Variants in CMIP observed in about 807,000 individuals in gnomAD.
CMIP encodes the protein C-Maf-inducing protein.
CMIP carries 13 observed loss-of-function variants against 97.3 expected under a neutral mutation model. The ratio of observed to expected loss-of-function variants is 0.13; its 90% CI spans 0.09 to 0.21. The LOEUF (loss-of-function observed/expected upper bound fraction) is 0.21. CMIP is among the 10% of genes least tolerant of loss of function. CMIP has a pLI of 1.00. For synonymous variants in CMIP, 538 were observed against 436.3 expected, an observed-to-expected ratio of 1.23 and a Z score of -2.91; for missense variants, 847 against 1,024.9, an observed-to-expected ratio of 0.83 and a Z score of 2.37.
intron 1 of CMIP, among the ~76,000 whole-genome samples, chr16:81,525,234 C>T (rs371832156): frequency 2.6e-5 from 4 of 152,170 alleles, no homozygotes; most frequent in Admixed American, 2.0e-4. Context: ...ACCACCATCT[C>T]CCAGGTTGAA....
Position 81,496,354 on chromosome 16 carries a change from G to C in CMIP, c.300+50813G>C, listed in dbSNP as rs1017292825. ...CCCTTCATGGGGGCGATCCTACTTG[G>C]GGGCGATGGATGGGAAACAAGGAAG... is the stretch of plus-strand genomic sequence containing the variant. On this transcript the variant is annotated intron_variant, in intron 1 of 20. Coordinates refer to ENST00000537098, the MANE Select transcript of CMIP (RefSeq NM_198390.3). Among the ~76,000 whole-genome samples the C allele has an allele frequency of 2.6e-5, 4 of 152,174 alleles. No individual in the cohort carries two copies. In the East Asian group the frequency reaches 7.7e-4, roughly 29 times the overall value.
intron 2 of CMIP, among the ~76,000 whole-genome samples, chr16:81,610,839 C>G (rs886993928): frequency 2.1e-4 from 32 of 152,116 alleles, no homozygotes; most frequent in African/African-American, 7.2e-4. Context: ...GGACCCTCTG[C>G]TTTGAGAGGC....
chr16:81,576,920 A>G (rs957011166), intron 1 of CMIP, among the ~76,000 whole-genome samples: 2 of 152,120 alleles, frequency 1.3e-5, no homozygotes, highest in African/African-American at 4.8e-5. Flanking sequence ...TGATCACATC[A>G]TCACCACCAC....
chr16:81,630,024 T>C (rs770377432), intron 3 of CMIP, among the ~76,000 whole-genome samples: 1 of 152,234 alleles, frequency 6.6e-6, no homozygotes, highest in Non-Finnish European at 1.5e-5. Context: ...AAAATAATAC[T>C]TTCTGCAGCG....
At chr16:81,469,507 T>G (rs1907399001) in intron 1 of CMIP, among the ~76,000 whole-genome samples, 1 of 152,202 alleles carries the variant, frequency 6.6e-6, no homozygotes, top group Non-Finnish European at 1.5e-5. Context: ...AGGGCTCTTA[T>G]TACTGCCGTT....
chr16:81,661,244 G>C (rs770562527), intron 6 of CMIP, among the ~76,000 whole-genome samples: 69 of 152,360 alleles, frequency 4.5e-4, no homozygotes, highest in African/African-American at 1.6e-3. Flanking sequence ...CGTCAGAGCT[G>C]GGTTATTATT....
rs943119501 is a variant in CMIP, at chr16:81,473,495, T to TC, written c.300+27954_300+27955insC. On this transcript the variant is annotated intron_variant, in intron 1 of 20. Transcript: ENST00000537098. Reference sequence around the variant, plus strand: ...TTCTTTTTAAAATAGGTCTTTTTTTTTTTTTTTCCATCCTATGAAATAAAA... The same window carrying TC: ...TTCTTTTTAAAATAGGTCTTTTTTTTCTTTTTTTCCATCCTATGAAATAAAA... Among the ~76,000 whole-genome samples, 85 of 151,970 alleles carry TC rather than the reference T, an allele frequency of 5.6e-4. 1 individual carries two copies. The Middle Eastern group carries it at 0.014, about 24-fold the overall frequency.
intron 1 of CMIP, among the ~76,000 whole-genome samples, chr16:81,480,984 G>A (rs1261282532): frequency 6.6e-6 from 1 of 152,214 alleles, no homozygotes; most frequent in East Asian, 1.9e-4. Context: ...ACATCGGTGA[G>A]AGCTGCTCTG....
intron 10 of CMIP, among the ~76,000 whole-genome samples, chr16:81,686,874 G>A (rs1905453061): frequency 1.3e-5 from 2 of 152,166 alleles, no homozygotes; most frequent in Non-Finnish European, 2.9e-5. Context: ...AGTCGTATGT[G>A]GGTAGGGGTC....
chr16:81,598,685 G>A (rs2091604742), intron 1 of CMIP, among the ~76,000 whole-genome samples: 1 of 152,166 alleles, frequency 6.6e-6, no homozygotes, highest in South Asian at 2.1e-4. Flanking sequence ...AGTAACGTTC[G>A]GCTGGGCATG....
Position 81,699,928 on chromosome 16 carries a change from C to A in CMIP, c.1755+127C>A, listed in dbSNP as rs1597269171. 5 of 634,116 alleles carry A rather than the reference C, an allele frequency of 7.9e-6. No homozygotes were observed. In the East Asian group the frequency reaches 1.1e-4, roughly 14 times the overall value. 39.3% of individuals were successfully genotyped at this position (634,116 alleles called of 1,614,324 possible). On this transcript the variant is annotated intron_variant, in intron 15 of 20. Transcript: ENST00000537098. The stretch of plus-strand genomic sequence containing the variant: ...GGGGCAGTGGGTGAGGCGTGCAGTC[C>A]CAGCCGTCCTGAGCTTAGTGGGAGC...
intron 1 of CMIP, among the ~76,000 whole-genome samples, chr16:81,534,813 T>C (rs1380778605): frequency 6.6e-6 from 1 of 152,224 alleles, no homozygotes; most frequent in South Asian, 2.1e-4. Flanking sequence ...CCTTTTCCCA[T>C]TGCTTTAAAA....
At chr16:81,615,753 G>C (rs1447914094) in intron 2 of CMIP, among the ~76,000 whole-genome samples, 7 of 151,930 alleles carry the variant, frequency 4.6e-5, no homozygotes, top group Admixed American at 4.6e-4. Flanking sequence ...TGTGTGTGGT[G>C]TATGTGTCTT....
chr16:81,599,062 G>T (rs1422508411), intron 1 of CMIP, among the ~76,000 whole-genome samples: 1 of 151,718 alleles, frequency 6.6e-6, no homozygotes, highest in African/African-American at 2.4e-5. Context: ...GAACTGGTCA[G>T]TCGGCGTCTG....
chr16:81,446,689 G>A (rs556942839), intron 1 of CMIP, among the ~76,000 whole-genome samples: 1 of 152,232 alleles, frequency 6.6e-6, no homozygotes, highest in Admixed American at 6.5e-5. Context: ...CAGGAAATAG[G>A]GTGTCGCTTA....
intron 1 of CMIP, among the ~76,000 whole-genome samples, chr16:81,457,179 C>CG (rs1453856852): frequency 6.6e-6 from 1 of 152,136 alleles, no homozygotes; most frequent in African/African-American, 2.4e-5. Context: ...CTCCGACCCC[C>CG]CCGCCAGTCA....
intron 3 of CMIP, among the ~76,000 whole-genome samples, chr16:81,625,401 T>A (rs2092047822): frequency 6.6e-6 from 1 of 152,240 alleles, no homozygotes; most frequent in African/African-American, 2.4e-5. Flanking sequence ...AGGCTTCATT[T>A]CTGACTCAGA....
chr16:81,481,880 CT>C (rs768919033), intron 1 of CMIP, among the ~76,000 whole-genome samples: 245 of 136,526 alleles, frequency 1.8e-3, no homozygotes, highest in Admixed American at 2.0e-3. Flanking sequence ...CCGCCTCCCT[CT>C]TTTTTTTTTT....
At chr16:81,672,438 T>C (rs939347416) in intron 9 of CMIP, among the ~76,000 whole-genome samples, 2 of 152,196 alleles carry the variant, frequency 1.3e-5, no homozygotes, top group Admixed American at 1.3e-4. Flanking sequence ...TACACATACA[T>C]GTGACTGTGT....
Sources: gnomAD v4.1 joint callset for allele counts (sites outside exome capture counted in the v4.1 genomes callset) on GRCh38, gnomAD v4.1.1 for gene constraint, MANE v1.5 for transcripts, NCBI Gene and HGNC (gene_info 2026-07-23, HGNC 2026-07-21) for gene names.